Variants in CSGALNACT1 observed in about 807,000 individuals in gnomAD.
The protein encoded by CSGALNACT1 is chondroitin sulfate N-acetylgalactosaminyltransferase 1.
In CSGALNACT1, 52 loss-of-function variants were observed where a neutral mutation model predicts 51.0. That is an observed-to-expected ratio of 1.02 (90% confidence interval 0.82 to 1.29). The LOEUF (loss-of-function observed/expected upper bound fraction) is 1.29. CSGALNACT1 is among the 50% of genes most tolerant of loss of function. The probability of loss-of-function intolerance (pLI) is 0.00; values close to 1 mark genes in which losing one functional copy is unlikely to be tolerated. For missense variants in CSGALNACT1, 935 were observed against 679.2 expected, an observed-to-expected ratio of 1.38 and a Z score of -4.19; for synonymous variants, 341 against 254.4, an observed-to-expected ratio of 1.34 and a Z score of -3.24.
chr8:19,421,571 A>C (rs2057942111), intron 6 of CSGALNACT1, among the ~76,000 whole-genome samples: 1 of 152,124 alleles, frequency 6.6e-6, no homozygotes, highest in Admixed American at 6.6e-5. Flanking sequence ...TACCTGGCCT[A>C]TCCCCATGCC....
chr8:19,751,023 A>G (rs1310952890), intron 1 of CSGALNACT1, among the ~76,000 whole-genome samples: 2 of 152,184 alleles, frequency 1.3e-5, no homozygotes, highest in Non-Finnish European at 1.5e-5. Flanking sequence ...TCTGATAAAA[A>G]TTATTTTGTT....
At chr8:19,650,983 C>G (rs1446236726) in intron 1 of CSGALNACT1, among the ~76,000 whole-genome samples, 1 of 152,022 alleles carries the variant, frequency 6.6e-6, no homozygotes, top group Non-Finnish European at 1.5e-5. Flanking sequence ...AGGAGAACAC[C>G]AAGGGACAAA....
chr8:19,509,969 A>C (rs1046644718), intron 3 of CSGALNACT1, among the ~76,000 whole-genome samples: 1 of 152,210 alleles, frequency 6.6e-6, no homozygotes, highest in African/African-American at 2.4e-5. Flanking sequence ...GCTGTGGGAC[A>C]GAGAGAGTAG....
intron 4 of CSGALNACT1, among the ~76,000 whole-genome samples, chr8:19,502,720 T>G (rs1472649119): frequency 6.6e-6 from 1 of 152,204 alleles, no homozygotes; most frequent in Non-Finnish European, 1.5e-5. Flanking sequence ...TTCACCCTTA[T>G]AAAATCCTGT....
At chr8:19,637,335 G>T (rs909564508) in intron 1 of CSGALNACT1, among the ~76,000 whole-genome samples, 1 of 152,186 alleles carries the variant, frequency 6.6e-6, no homozygotes, top group Non-Finnish European at 1.5e-5. Context: ...TCAATTTGGA[G>T]TTGGTCGTTT....
chr8:19,429,013 G>A (rs1000773655), intron 6 of CSGALNACT1, among the ~76,000 whole-genome samples: 1 of 152,054 alleles, frequency 6.6e-6, no homozygotes, highest in African/African-American at 2.4e-5. Flanking sequence ...GTTACAAAAT[G>A]TTTTCATCAC....
intron 8 of CSGALNACT1, among the ~76,000 whole-genome samples, chr8:19,414,245 G>T (rs546184680): frequency 6.6e-6 from 1 of 152,248 alleles, no homozygotes; most frequent in East Asian, 1.9e-4. Flanking sequence ...AAAACTGAAT[G>T]AATCTGTGAT....
chr8:19,640,368 ACT>A (rs1421610649), intron 1 of CSGALNACT1, among the ~76,000 whole-genome samples: 5 of 151,824 alleles, frequency 3.3e-5, no homozygotes, highest in African/African-American at 1.2e-4. Context: ...CTCAAATCTC[ACT>A]GTTTTCTCCT....
intron 3 of CSGALNACT1, among the ~76,000 whole-genome samples, chr8:19,533,327 G>C (rs2154058231): frequency 6.6e-6 from 1 of 152,090 alleles, no homozygotes; most frequent in East Asian, 1.9e-4. Flanking sequence ...TTGCTATGTT[G>C]CCCAGGCTGG....
chr8:19,482,379 CT>C (rs1180851172), intron 4 of CSGALNACT1, among the ~76,000 whole-genome samples: 2 of 152,164 alleles, frequency 1.3e-5, no homozygotes, highest in Non-Finnish European at 2.9e-5. Flanking sequence ...CATCAGAGGA[CT>C]TTTTCCTTTT....
At chr8:19,610,000 C>T (rs1216785398) in intron 1 of CSGALNACT1, among the ~76,000 whole-genome samples, 2 of 151,954 alleles carry the variant, frequency 1.3e-5, no homozygotes, top group African/African-American at 2.4e-5. Context: ...GTGGGTGGAT[C>T]ACGAGGTCAG....
chr8:19,643,751 A>C (rs1054994328), intron 1 of CSGALNACT1, among the ~76,000 whole-genome samples: 1 of 152,210 alleles, frequency 6.6e-6, no homozygotes, highest in South Asian at 2.1e-4. Context: ...AGAAAACATT[A>C]GTTTTTGCTG....
At chr8:19,463,312 C>A (rs2065956887) in intron 4 of CSGALNACT1, among the ~76,000 whole-genome samples, 1 of 152,172 alleles carries the variant, frequency 6.6e-6, no homozygotes, top group Admixed American at 6.5e-5. Flanking sequence ...AACTCTCTTG[C>A]AACCTAAGTC....
In CSGALNACT1 at chr8:19,528,332, G is replaced by A. The variant is rs1463635303; in HGVS notation, c.-296-22202C>T. Among the ~76,000 whole-genome samples, 11 of 150,696 alleles carry A rather than the reference G, an allele frequency of 7.3e-5. No individual in the cohort carries two copies. The East Asian group carries it at 1.8e-3, about 24-fold the overall frequency. On this transcript the variant is annotated intron_variant, in intron 3 of 9. Coordinates refer to ENST00000454498, the Ensembl canonical transcript of CSGALNACT1. The stretch of plus-strand genomic sequence containing the variant: ...ATTCAGAAGCTTGCCTGACAGTCAC[G>A]GCAAGGTCATGTTATTCCGCTATTA...
chr8:19,670,070 T>C (rs73214700), intron 1 of CSGALNACT1, among the ~76,000 whole-genome samples: 3,252 of 152,310 alleles, frequency 0.021, 54 homozygotes, highest in South Asian at 0.048. Flanking sequence ...CTGTAGTTCA[T>C]TGCCATGTCC....
intron 5 of CSGALNACT1, among the ~76,000 whole-genome samples, chr8:19,447,676 G>A (rs529682784): frequency 6.6e-6 from 1 of 152,298 alleles, no homozygotes; most frequent in African/African-American, 2.4e-5. Flanking sequence ...GGGGAGGTGG[G>A]TGTACAAAAT....
intron 1 of CSGALNACT1, among the ~76,000 whole-genome samples, chr8:19,707,552 T>C (rs938873351): frequency 2.0e-5 from 3 of 152,206 alleles, no homozygotes; most frequent in Admixed American, 2.0e-4. Context: ...TCACTATTAA[T>C]AACTGTTGGG....
chr8:19,505,772 G>A (rs1017599385), exon 4 of CSGALNACT1: 2 of 1,613,934 alleles, frequency 1.2e-6, no homozygotes, highest in Admixed American at 1.7e-5. Flanking sequence ...CACAGCAGAG[G>A]AGCACCAGCA....
chr8:19,751,600 G>A (rs531890074), intron 1 of CSGALNACT1, among the ~76,000 whole-genome samples: 1 of 152,058 alleles, frequency 6.6e-6, no homozygotes, highest in Admixed American at 6.5e-5. Context: ...ATATTGATAT[G>A]GTTGGGTTCT....
Sources: allele counts gnomAD v4.1 joint callset (sites outside exome capture counted in the v4.1 genomes callset), GRCh38; gene constraint gnomAD v4.1.1; transcripts MANE v1.5; gene names NCBI Gene and HGNC (gene_info 2026-07-23, HGNC 2026-07-21).